STAG1: variants seen among roughly 807,000 people sequenced by gnomAD.
STAG1 encodes cohesin subunit SA-1.
STAG1 carries 26 observed loss-of-function variants against 170.9 expected under a neutral mutation model. That is an observed-to-expected ratio of 0.15 (90% CI 0.11 to 0.21). The LOEUF (loss-of-function observed/expected upper bound fraction) is 0.21, where lower values mean the gene tolerates loss of function less well. STAG1 is among the 10% of genes least tolerant of loss of function. STAG1 has a pLI of 1.00. For missense variants in STAG1, 964 were observed against 1,509.5 expected (o/e 0.64, Z 5.99); for synonymous variants, 514 against 497.7 (o/e 1.03, Z -0.44).
chr3:136,354,462 C>T (rs1310330127), intron 28 of STAG1, among the ~76,000 whole-genome samples: 2 of 151,864 alleles, frequency 1.3e-5, no homozygotes, highest in Admixed American at 1.3e-4. Flanking sequence ...CCACCATGCC[C>T]GGCTAATTTT....
At chr3:136,612,921 T>A (rs1460419892) in intron 3 of STAG1, among the ~76,000 whole-genome samples, 1 of 152,196 alleles carries the variant, frequency 6.6e-6, no homozygotes, top group Non-Finnish European at 1.5e-5. Flanking sequence ...TGCTGGAACT[T>A]TGAGTAAGAC....
chr3:136,554,245 G>GT lies in STAG1; in HGVS notation c.395-12051dup, dbSNP rs937853708. 2.9e-4 allele frequency among the ~76,000 whole-genome samples: 44 copies of GT among 152,144 alleles called. 1 individual carries two copies. Among genetic ancestry groups the GT allele is most frequent in the African/African-American group, 1.0e-3 (43 of 41,510 alleles). On this transcript the variant is annotated intron_variant, in intron 5 of 33. Transcript: ENST00000383202. ...GAGAGAGACAGACACAAGAGGGAGG[G>GT]TAAGGAAGGGGAAAGGCAGTTAAGA...
At chr3:136,660,418 CAATT>C (rs879459844) in intron 1 of STAG1, among the ~76,000 whole-genome samples, 4 of 151,964 alleles carry the variant, frequency 2.6e-5, no homozygotes, top group African/African-American at 7.3e-5. Flanking sequence ...TATATTCAAA[CAATT>C]AATTCAAGTG....
intron 21 of STAG1, among the ~76,000 whole-genome samples, chr3:136,404,494 C>A (rs1284716162): frequency 6.6e-6 from 1 of 152,150 alleles, no homozygotes; most frequent in Non-Finnish European, 1.5e-5. Flanking sequence ...GCAATTAACA[C>A]CCTACTCCCC....
intron 5 of STAG1, among the ~76,000 whole-genome samples, chr3:136,565,989 C>G (rs1186652081): frequency 1.3e-5 from 2 of 152,076 alleles, no homozygotes; most frequent in Non-Finnish European, 2.9e-5. Flanking sequence ...TCCTCAGGGA[C>G]AGAAAGTAGA....
intron 6 of STAG1, among the ~76,000 whole-genome samples, chr3:136,541,548 A>ACACACACT (rs1427052155): frequency 2.0e-5 from 3 of 148,180 alleles, no homozygotes; most frequent in Non-Finnish European, 4.5e-5. Flanking sequence ...TCACACACAC[A>ACACACACT]CACACACACA....
chr3:136,557,192 C>A (rs112931209), intron 5 of STAG1, among the ~76,000 whole-genome samples: 1 of 151,918 alleles, frequency 6.6e-6, no homozygotes, highest in Non-Finnish European at 1.5e-5. Flanking sequence ...GAGTCAAGAT[C>A]GCACCACTGC....
At chr3:136,512,754 C>A (rs1249762856) in intron 7 of STAG1, among the ~76,000 whole-genome samples, 1 of 150,422 alleles carries the variant, frequency 6.6e-6, no homozygotes, top group Non-Finnish European at 1.5e-5. Flanking sequence ...AAAAAACTAA[C>A]TGACCACCAG....
intron 9 of STAG1, among the ~76,000 whole-genome samples, chr3:136,494,910 A>G (rs1933000056): frequency 6.6e-6 from 1 of 152,208 alleles, no homozygotes; most frequent in African/African-American, 2.4e-5. Flanking sequence ...TTGGTTCACA[A>G]GGTAATTACA....
At chr3:136,677,632 G>C (rs1247470434) in intron 1 of STAG1, among the ~76,000 whole-genome samples, 1 of 151,972 alleles carries the variant, frequency 6.6e-6, no homozygotes, top group Non-Finnish European at 1.5e-5. Context: ...TAAAAAGGTT[G>C]ATGTAAGTTG....
intron 1 of STAG1, among the ~76,000 whole-genome samples, chr3:136,698,784 A>G (rs560541729): frequency 2.0e-5 from 3 of 152,306 alleles, no homozygotes; most frequent in East Asian, 1.9e-4. Context: ...ACAATTCACA[A>G]TTGCAAAGAT....
At chr3:136,660,311 C>A (rs1448165889) in intron 1 of STAG1, among the ~76,000 whole-genome samples, 1 of 152,016 alleles carries the variant, frequency 6.6e-6, no homozygotes, top group African/African-American at 2.4e-5. Context: ...CTTGTCTCTG[C>A]AAAATAACAT....
chr3:136,419,071 C>G (rs2087867617), intron 20 of STAG1, among the ~76,000 whole-genome samples: 1 of 152,122 alleles, frequency 6.6e-6, no homozygotes, highest in Non-Finnish European at 1.5e-5. Flanking sequence ...AATGGGAAAG[C>G]TCAAAAACTG....
At chr3:136,625,256 C>T (rs1940043528) in intron 2 of STAG1, among the ~76,000 whole-genome samples, 1 of 152,194 alleles carries the variant, frequency 6.6e-6, no homozygotes, top group African/African-American at 2.4e-5. Context: ...GGCTCATTCC[C>T]TCTTCCTTAA....
intron 3 of STAG1, among the ~76,000 whole-genome samples, chr3:136,615,443 A>G (rs1939540400): frequency 6.7e-6 from 1 of 148,382 alleles, no homozygotes; most frequent in African/African-American, 2.5e-5. Flanking sequence ...AAAAAAAAAA[A>G]AAAAAAAAGG....
At chr3:136,375,421 T>C (rs1004177690) in intron 23 of STAG1, among the ~76,000 whole-genome samples, 1 of 152,170 alleles carries the variant, frequency 6.6e-6, no homozygotes, top group African/African-American at 2.4e-5. Context: ...CCCTCCAAAG[T>C]TGACTTCTAT....
At chr3:136,453,815 G>C (rs2089020420) in intron 13 of STAG1, among the ~76,000 whole-genome samples, 1 of 150,426 alleles carries the variant, frequency 6.6e-6, no homozygotes, top group South Asian at 2.1e-4. Context: ...AGTCAGAGTA[G>C]GCCTCTCAAA....
At chr3:136,659,735 G>A (rs1051952615) in intron 1 of STAG1, among the ~76,000 whole-genome samples, 6 of 152,170 alleles carry the variant, frequency 3.9e-5, no homozygotes, top group African/African-American at 1.4e-4. Context: ...TTAGTAACGT[G>A]CAAAACTGAT....
At chr3:136,547,754 A>G (rs961043322) in intron 5 of STAG1, among the ~76,000 whole-genome samples, 1 of 152,184 alleles carries the variant, frequency 6.6e-6, no homozygotes, top group Non-Finnish European at 1.5e-5. Context: ...ATCCACAGAC[A>G]CTTTTTGGTG....
Sources: gnomAD v4.1 joint callset for allele counts (sites outside exome capture counted in the v4.1 genomes callset) on GRCh38, gnomAD v4.1.1 for gene constraint, MANE v1.5 for transcripts, NCBI Gene and HGNC (gene_info 2026-07-23, HGNC 2026-07-21) for gene names.